ATXN8OS: variants seen among roughly 807,000 people sequenced by gnomAD.
The protein encoded by ATXN8OS is ATXN8 opposite strand lncRNA, also known as ATXN8 opposite strand (non-protein coding).
chr13:70,159,139 CTAAT>C (rs1228393028), intron 4 of ATXN8OS, among the ~76,000 whole-genome samples: 1 of 151,266 alleles, frequency 6.6e-6, no homozygotes, highest in Non-Finnish European at 1.5e-5. Flanking sequence ...TTACTAATTA[CTAAT>C]TAATTTATTT....
At chr13:70,163,958 C>T (rs1054675910) in intron 4 of ATXN8OS, among the ~76,000 whole-genome samples, 10 of 150,148 alleles carry the variant, frequency 6.7e-5, no homozygotes, top group Non-Finnish European at 8.9e-5. Context: ...TGGTATTTTA[C>T]GTACGTCACT....
rs372246005 is a variant in ATXN8OS, at chr13:70,133,168, G to A, written n.499+3284G>A. Among the ~76,000 whole-genome samples the A allele has an allele frequency of 3.2e-4, 49 of 152,302 alleles. 1 individual carries two copies. In the South Asian group the frequency reaches 6.0e-3, roughly 19 times the overall value. ...CGCCTGTAATCCTAGCACTTTGTGG[G>A]GCTGAGGCAGAAGGATTGCCTGAAG... On this transcript the variant is annotated intron_variant and non_coding_transcript_variant, in intron 3 of 4. Transcript: ENST00000678624.
intron 3 of ATXN8OS, among the ~76,000 whole-genome samples, chr13:70,137,222 G>A (rs755117411): frequency 1.3e-5 from 2 of 152,062 alleles, no homozygotes; most frequent in African/African-American, 2.4e-5. Context: ...AAAATTCAGC[G>A]GAATCGCTCC....
intron 2 of ATXN8OS, among the ~76,000 whole-genome samples, chr13:70,128,697 C>T (rs1330628065): frequency 1.3e-5 from 2 of 152,032 alleles, no homozygotes; most frequent in Non-Finnish European, 2.9e-5. Context: ...AAAATTTACT[C>T]TTGTGTTTAT....
At chr13:70,107,626 G>C (rs140989246), upstream of ATXN8OS, 1 of 1,576,926 alleles carries the variant, frequency 6.3e-7, no homozygotes, top group Non-Finnish European at 8.6e-7. Flanking sequence ...GGAAGGAGAC[G>C]GGTGGCTGAA....
chr13:70,147,341 CT>C (rs1198895019), intron 3 of ATXN8OS, among the ~76,000 whole-genome samples: 1 of 151,954 alleles, frequency 6.6e-6, no homozygotes, highest in Admixed American at 6.6e-5. Flanking sequence ...TTGGAATTTT[CT>C]TTTTTTTCCT....
At chr13:70,110,758 C>G (rs1888189493) in intron 1 of ATXN8OS, among the ~76,000 whole-genome samples, 1 of 151,930 alleles carries the variant, frequency 6.6e-6, no homozygotes, top group South Asian at 2.1e-4. Flanking sequence ...TCACTTAGGT[C>G]CAATGTAAAC....
At chr13:70,167,523 G>A (rs535910540) in intron 4 of ATXN8OS, among the ~76,000 whole-genome samples, 5 of 151,940 alleles carry the variant, frequency 3.3e-5, no homozygotes, top group South Asian at 2.1e-4. Context: ...TGTGGGGGGA[G>A]GGAGGAAGGA....
upstream of ATXN8OS, chr13:70,107,619 A>C: frequency 6.3e-7 from 1 of 1,583,208 alleles, no homozygotes; most frequent in Non-Finnish European, 8.6e-7. Flanking sequence ...CGCCGGTGGA[A>C]GGAGACGGGT....
chr13:70,154,883 G>A (rs764612885), intron 4 of ATXN8OS, among the ~76,000 whole-genome samples: 4 of 152,152 alleles, frequency 2.6e-5, no homozygotes, highest in Non-Finnish European at 5.9e-5. Flanking sequence ...AGGATAAGCC[G>A]GTGCCCAGGC....
At chr13:70,164,825 A>G (rs917269484) in intron 4 of ATXN8OS, among the ~76,000 whole-genome samples, 1 of 152,068 alleles carries the variant, frequency 6.6e-6, no homozygotes, top group African/African-American at 2.4e-5. Context: ...TGATTGCTCC[A>G]TGATGAGCTT....
intron 1 of ATXN8OS, among the ~76,000 whole-genome samples, chr13:70,114,338 G>A (rs1223166730): frequency 6.6e-6 from 1 of 152,056 alleles, no homozygotes; most frequent in Non-Finnish European, 1.5e-5. Context: ...CATGGCACAT[G>A]TAAATTCTCT....
intron 2 of ATXN8OS, among the ~76,000 whole-genome samples, chr13:70,128,556 A>T (rs1291249525): frequency 6.6e-6 from 1 of 151,960 alleles, no homozygotes; most frequent in Non-Finnish European, 1.5e-5. Flanking sequence ...TAAAAAAAAA[A>T]AAATTACAAT....
intron 3 of ATXN8OS, chr13:70,139,289 C>T (rs1312571073): frequency 1.9e-6 from 1 of 517,224 alleles, no homozygotes; most frequent in East Asian, 3.0e-5. Flanking sequence ...ACTCTGTTGG[C>T]TGAAGCCCTA....
intron 1 of ATXN8OS, among the ~76,000 whole-genome samples, chr13:70,110,261 G>A (rs1045957936): frequency 6.6e-6 from 1 of 151,956 alleles, no homozygotes; most frequent in Non-Finnish European, 1.5e-5. Flanking sequence ...AGCCAATTAT[G>A]TAAATATAGG....
At chr13:70,162,966 G>C (rs544350733) in intron 4 of ATXN8OS, among the ~76,000 whole-genome samples, 22 of 152,082 alleles carry the variant, frequency 1.4e-4, no homozygotes, top group African/African-American at 5.1e-4. Context: ...ATAGCAAGTT[G>C]ATGTTGGCCA....
chr13:70,119,703 T>G (rs1212207318), intron 2 of ATXN8OS, among the ~76,000 whole-genome samples: 1 of 152,088 alleles, frequency 6.6e-6, no homozygotes, highest in East Asian at 1.9e-4. Flanking sequence ...CCTGATGACA[T>G]AAGTGAAAAA....
In ATXN8OS at chr13:70,133,035, A is replaced by G. The variant is rs368707897; in HGVS notation, n.499+3151A>G. On this transcript the variant is annotated intron_variant and non_coding_transcript_variant, in intron 3 of 4. Coordinates refer to ENST00000678624, the Ensembl canonical transcript of ATXN8OS. Reference sequence around the variant, plus strand: ...TATTCAACCCTTAAACTATCATTGCATTGATCAGTAATCAATCACCTAGTT... The same window carrying G: ...TATTCAACCCTTAAACTATCATTGCGTTGATCAGTAATCAATCACCTAGTT... 8.5e-5 allele frequency among the ~76,000 whole-genome samples: 13 copies of G among 152,310 alleles called. No individual in the cohort carries two copies. The East Asian group carries it at 1.7e-3, about 20-fold the overall frequency.
At chr13:70,117,532 T>C (rs1888297468) in intron 2 of ATXN8OS, among the ~76,000 whole-genome samples, 2 of 152,088 alleles carry the variant, frequency 1.3e-5, no homozygotes, top group Admixed American at 6.6e-5. Flanking sequence ...GCATTTAAAT[T>C]ATAACATTTG....
Sources: allele counts gnomAD v4.1 joint callset (sites outside exome capture counted in the v4.1 genomes callset), GRCh38; gene constraint gnomAD v4.1.1; transcripts MANE v1.5; gene names NCBI Gene and HGNC (gene_info 2026-07-23, HGNC 2026-07-21).